Variants in LPP observed in about 807,000 individuals in gnomAD.
LPP encodes the protein LIM domain containing preferred translocation partner in lipoma.
A neutral mutation model predicts 60.4 loss-of-function variants in LPP; 38 were observed. The observed-to-expected ratio is 0.63, with a 90% CI of 0.49 to 0.83. The LOEUF is 0.83. LPP is among the 40% of genes least tolerant of loss of function. The pLI is 0.00. For missense variants in LPP, 902 were observed against 783.6 expected (o/e 1.15, Z -1.80); for synonymous variants, 328 against 290.8 (o/e 1.13, Z -1.30).
chr3:188,487,962 C>A (rs1261307712), intron 5 of LPP, among the ~76,000 whole-genome samples: 1 of 151,668 alleles, frequency 6.6e-6, no homozygotes, highest in Non-Finnish European at 1.5e-5. Context: ...TCATTTAGTC[C>A]AACTCTGGCG....
chr3:188,740,040 G>A (rs1452972221), intron 8 of LPP, among the ~76,000 whole-genome samples: 1 of 151,940 alleles, frequency 6.6e-6, no homozygotes, highest in Non-Finnish European at 1.5e-5. Context: ...GAATATGTTC[G>A]CAGAAATCAC....
intron 1 of LPP, among the ~76,000 whole-genome samples, chr3:188,158,710 A>G (rs1297939850): frequency 6.6e-6 from 1 of 152,234 alleles, no homozygotes; most frequent in Non-Finnish European, 1.5e-5. Flanking sequence ...CATTTTGCAG[A>G]TGAGAAAATG....
At chr3:188,733,705 G>C (rs1721478351) in intron 8 of LPP, among the ~76,000 whole-genome samples, 1 of 152,116 alleles carries the variant, frequency 6.6e-6, no homozygotes, top group Admixed American at 6.5e-5. Flanking sequence ...AAATTCAGTT[G>C]TTAACAAACT....
At chr3:188,670,619 C>G (rs1232929748) in intron 7 of LPP, among the ~76,000 whole-genome samples, 6 of 152,164 alleles carry the variant, frequency 3.9e-5, no homozygotes, top group Non-Finnish European at 1.5e-5. Flanking sequence ...TTGAACTAAA[C>G]TCACCTCCAC....
At chr3:188,253,178 A>G (rs542069583) in intron 2 of LPP, among the ~76,000 whole-genome samples, 1 of 151,636 alleles carries the variant, frequency 6.6e-6, no homozygotes, top group Non-Finnish European at 1.5e-5. Flanking sequence ...TATATTACAC[A>G]TATCTCTCCC....
intron 2 of LPP, among the ~76,000 whole-genome samples, chr3:188,240,332 T>G (rs192111963): frequency 1.3e-5 from 2 of 150,740 alleles, no homozygotes; most frequent in Non-Finnish European, 3.0e-5. Context: ...AGTCAGGAGT[T>G]TTGGGTAAGA....
intron 7 of LPP, among the ~76,000 whole-genome samples, chr3:188,673,529 T>G (rs1355778081): frequency 6.6e-6 from 1 of 152,204 alleles, no homozygotes; most frequent in Non-Finnish European, 1.5e-5. Context: ...GGCTCATGCT[T>G]TGGTCTCTCT....
At chr3:188,450,464 G>T (rs1394946630) in intron 4 of LPP, among the ~76,000 whole-genome samples, 1 of 152,014 alleles carries the variant, frequency 6.6e-6, no homozygotes, top group Non-Finnish European at 1.5e-5. Flanking sequence ...CGATTTACAG[G>T]CCTGGTGCGG....
Position 188,867,382 on chromosome 3 carries a change from C to T in LPP, c.1589+1004C>T, listed in dbSNP as rs996396155. On this transcript the variant is annotated intron_variant, in intron 10 of 11. Coordinates refer to ENST00000617246, the MANE Select transcript of LPP (RefSeq NM_001375462.1). ...ATTTTTTAGACAAAGTCTCACTCTG[C>T]TGCCCAGGCTGGAGTGCAGTAGTGC... Among the ~76,000 whole-genome samples, 43 of 151,278 alleles carry T rather than the reference C, an allele frequency of 2.8e-4. 1 individual carries two copies. In the South Asian group the frequency reaches 5.8e-3, roughly 20 times the overall value.
chr3:188,509,626 C>T (rs1209951922), intron 5 of LPP, among the ~76,000 whole-genome samples: 4 of 34,834 alleles, frequency 1.1e-4, no homozygotes, highest in African/African-American at 2.5e-4. Context: ...TTTTTGTCCC[C>T]TTCCTTCCTT....
intron 1 of LPP, among the ~76,000 whole-genome samples, chr3:188,183,851 A>G (rs1725811624): frequency 1.3e-5 from 2 of 152,134 alleles, no homozygotes; most frequent in Non-Finnish European, 2.9e-5. Context: ...TAATTGTCGT[A>G]CTACACTGCT....
intron 6 of LPP, among the ~76,000 whole-genome samples, chr3:188,550,798 T>C (rs1009589211): frequency 3.9e-5 from 6 of 152,084 alleles, no homozygotes; most frequent in African/African-American, 1.2e-4. Context: ...GCAGCCCTTA[T>C]TTCTAGAATG....
At chr3:188,682,889 A>G (rs912835517) in intron 7 of LPP, among the ~76,000 whole-genome samples, 1 of 152,164 alleles carries the variant, frequency 6.6e-6, no homozygotes, top group African/African-American at 2.4e-5. Flanking sequence ...AGGGATGTGT[A>G]TATCATACTT....
chr3:188,167,170 A>C (rs1207283044), intron 1 of LPP, among the ~76,000 whole-genome samples: 1 of 152,212 alleles, frequency 6.6e-6, no homozygotes, highest in East Asian at 1.9e-4. Flanking sequence ...TGATTGTGGA[A>C]GGTATTCTAT....
intron 2 of LPP, among the ~76,000 whole-genome samples, chr3:188,277,145 C>A (rs1355673254): frequency 6.6e-6 from 1 of 152,020 alleles, no homozygotes; most frequent in African/African-American, 2.4e-5. Flanking sequence ...CTCAAGTGAT[C>A]CACCCGCCTC....
At chr3:188,177,903 A>T (rs192646317) in intron 1 of LPP, among the ~76,000 whole-genome samples, 2 of 152,302 alleles carry the variant, frequency 1.3e-5, no homozygotes, top group East Asian at 3.9e-4. Context: ...GGATGCTGGG[A>T]AGATGTGACG....
chr3:188,764,629 A>G (rs140419712), intron 9 of LPP, among the ~76,000 whole-genome samples: 11 of 152,322 alleles, frequency 7.2e-5, no homozygotes, highest in Admixed American at 7.2e-4. Flanking sequence ...CTGCTTATGT[A>G]CCCTTCTGCA....
At chr3:188,577,430 A>G (rs1402581126) in intron 6 of LPP, among the ~76,000 whole-genome samples, 1 of 152,000 alleles carries the variant, frequency 6.6e-6, no homozygotes, top group African/African-American at 2.4e-5. Context: ...TGGTCAATAT[A>G]CACTAACCAG....
chr3:188,872,889 T>A, intron 11 of LPP, 126 bp downstream of exon 11: 1 of 1,272,768 alleles, frequency 7.9e-7, no homozygotes, highest in Non-Finnish European at 1.1e-6. Flanking sequence ...TCATAGGACT[T>A]GGGTTTTAGA....
Sources: gnomAD v4.1 joint callset for allele counts (sites outside exome capture counted in the v4.1 genomes callset) on GRCh38, gnomAD v4.1.1 for gene constraint, MANE v1.5 for transcripts, NCBI Gene and HGNC (gene_info 2026-07-23, HGNC 2026-07-21) for gene names.